RCC2: variants seen among roughly 807,000 people sequenced by gnomAD.
RCC2 encodes regulator of chromosome condensation 2, also known as protein RCC2.
RCC2 carries 19 observed loss-of-function variants against 64.1 expected under a neutral mutation model. That is an observed-to-expected ratio of 0.30 (90% CI 0.21 to 0.44). RCC2 has a LOEUF of 0.44. Ranked by LOEUF, RCC2 falls within the 20% of genes least tolerant of loss-of-function variation. RCC2 has a pLI of 1.00. For missense variants in RCC2, 508 were observed against 710.4 expected (o/e 0.72, Z 3.24); for synonymous variants, 325 against 279.6 (o/e 1.16, Z -1.62).
intron 7 of RCC2, among the ~76,000 whole-genome samples, chr1:17,420,341 C>A (rs2075542192): frequency 6.6e-6 from 1 of 152,212 alleles, no homozygotes; most frequent in Non-Finnish European, 1.5e-5. Context: ...GTTTCCAGAA[C>A]AACGTTCATT....
intron 7 of RCC2, among the ~76,000 whole-genome samples, chr1:17,419,968 C>A (rs2075536673): frequency 6.6e-6 from 1 of 152,192 alleles, no homozygotes; most frequent in Admixed American, 6.5e-5. Flanking sequence ...GGGCTCGGCG[C>A]TATTTTTACC....
chr1:17,420,855 A>AT (rs775589985), intron 6 of RCC2, 27 bp from the exon 7 acceptor site: 68 of 1,451,148 alleles, frequency 4.7e-5, no homozygotes, highest in East Asian at 9.1e-5. Context: ...GGAGACTTTC[A>AT]TTTTTTTTAA....
chr1:17,409,863 T>G, intron 12 of RCC2, 111 bp downstream of exon 12: 1 of 917,366 alleles, frequency 1.1e-6, no homozygotes, highest in Non-Finnish European at 1.8e-6. Context: ...GAAAGCCAGC[T>G]GAGATGGTAA....
intron 11 of RCC2, 82 bp from the exon 12 acceptor site, chr1:17,410,133 G>T: frequency 7.9e-7 from 1 of 1,267,128 alleles, no homozygotes; most frequent in South Asian, 1.2e-5. Flanking sequence ...ACATTTCCTG[G>T]CCCCCACTAA....
chr1:17,416,910 A>G (rs1023000037), intron 7 of RCC2, among the ~76,000 whole-genome samples: 2 of 152,260 alleles, frequency 1.3e-5, no homozygotes, highest in Non-Finnish European at 2.9e-5. Context: ...TACTCTACAC[A>G]TAATAATGGC....
rs2075785363 is a variant in RCC2, at chr1:17,439,660, C to T, written c.-124G>A. The T allele has an allele frequency of 6.7e-6, 1 of 149,404 alleles. No individual in the cohort carries two copies. Among genetic ancestry groups the T allele is most frequent in the Admixed American group, 6.6e-5 (1 of 15,088 alleles). The allele number at this position is 149,404 out of a possible 1,614,324, so 9.3% of individuals were successfully genotyped here. ...AGGGCTCCAGCCCACTCACCAGATA[C>T]ACTTAAAATGTAAATACGAGCTTCC... On this transcript the variant is annotated 5_prime_UTR_variant, in exon 1 of 13. Coordinates refer to ENST00000375436, the MANE Select transcript of RCC2 (RefSeq NM_018715.4).
chr1:17,411,476 T>C (rs1050806780), intron 11 of RCC2, among the ~76,000 whole-genome samples: 2 of 150,600 alleles, frequency 1.3e-5, no homozygotes, highest in African/African-American at 4.9e-5. Context: ...CTCAGGAGGC[T>C]GAAGCAGGAG....
In RCC2 at chr1:17,422,816, G is replaced by C. The variant is rs1430492616; in HGVS notation, c.544C>G (p.Leu182Val). 6.2e-7 allele frequency: 1 copy of C among 1,614,048 alleles called. No homozygotes were observed. The highest frequency in any genetic ancestry group is 8.5e-7 in the Non-Finnish European group (1 of 1,180,052). The change falls in exon 5 of 13, where the codon CTG becomes GTG. Residue 182 changes from leucine to valine, a missense_variant. By Grantham distance (32) the Leu-to-Val change is conservative. This residue lies in a region of RCC2 where 132 missense variants were observed against 207.3 expected (regional missense o/e 0.64). Transcript: ENST00000375436. ...ACTCTCTTGGTGTCACCATGTCCCA[G>C]CTGCCCCTTCTCATTTCGACCTGCA... ...WSWGRNEKGQ[L>V]GHGDTKRVEA...
intron 1 of RCC2, 150 bp downstream of exon 1, chr1:17,439,395 T>C (rs1195180146): frequency 1.3e-5 from 2 of 148,276 alleles, no homozygotes; most frequent in African/African-American, 4.9e-5. Context: ...TTAAACCACG[T>C]GGATCCGCCT....
At chr1:17,433,571 G>C (rs528722884) in intron 2 of RCC2, among the ~76,000 whole-genome samples, 2 of 152,174 alleles carry the variant, frequency 1.3e-5, no homozygotes, top group Admixed American at 1.3e-4. Flanking sequence ...TAAAGGCCAC[G>C]CAGCAGACAG....
intron 7 of RCC2, among the ~76,000 whole-genome samples, chr1:17,420,190 G>T (rs1185464199): frequency 6.6e-6 from 1 of 152,196 alleles, no homozygotes; most frequent in Non-Finnish European, 1.5e-5. Context: ...ACTGAGAACT[G>T]ATGCCTGAAT....
chr1:17,411,625 A>G (rs2075427479), intron 11 of RCC2, among the ~76,000 whole-genome samples: 1 of 152,132 alleles, frequency 6.6e-6, no homozygotes, highest in African/African-American at 2.4e-5. Flanking sequence ...GGATCTAAGA[A>G]TGAAAGACAT....
chr1:17,432,999 TAC>T (rs757624034), intron 2 of RCC2, among the ~76,000 whole-genome samples: 35 of 151,980 alleles, frequency 2.3e-4, no homozygotes, highest in Non-Finnish European at 4.7e-4. Flanking sequence ...AATATATATA[TAC>T]ACTCACACAC....
intron 1 of RCC2, 124 bp downstream of exon 1, chr1:17,439,421 T>A (rs1429583843): frequency 2.7e-5 from 4 of 148,942 alleles, no homozygotes; most frequent in Admixed American, 6.6e-5. Flanking sequence ...CCTCTTTTTA[T>A]TCCTTCAATC....
rs181074081 is a variant in RCC2, at chr1:17,417,400, G to T, written c.860-754C>A. 2.6e-4 allele frequency among the ~76,000 whole-genome samples: 40 copies of T among 152,292 alleles called. No homozygotes were observed. In the East Asian group the frequency reaches 7.1e-3, roughly 27 times the overall value. On this transcript the variant is annotated intron_variant, in intron 7 of 12. Transcript: ENST00000375436. ...ATCATCAGTTTGGTTGGGCACGGTG[G>T]GCCACGCCTGGAATCCCAGCACGTT...
chr1:17,419,935 T>C (rs995700532), intron 7 of RCC2, among the ~76,000 whole-genome samples: 2 of 152,204 alleles, frequency 1.3e-5, no homozygotes, highest in Non-Finnish European at 2.9e-5. Context: ...ACAAAGTCAC[T>C]GTTCCCCGAG....
chr1:17,419,768 G>A (rs1323349171), intron 7 of RCC2, among the ~76,000 whole-genome samples: 1 of 152,070 alleles, frequency 6.6e-6, no homozygotes, highest in African/African-American at 2.4e-5. Context: ...CACGTGGCAG[G>A]AAGCGGACCG....
At chr1:17,435,554 C>T (rs972566549) in intron 2 of RCC2, among the ~76,000 whole-genome samples, 3 of 152,252 alleles carry the variant, frequency 2.0e-5, no homozygotes, top group Admixed American at 2.0e-4. Flanking sequence ...GGAGGCCAAC[C>T]CAGGACAAGG....
rs183933740 is a variant in RCC2 at position 17,416,083 on chromosome 1, G to A, written c.1026+397C>T. ...AAACTGTCTCCAAAAAAAAAAGGGG[G>A]GGGGGGCGGGGGGGACAACCTACTG... On this transcript the variant is annotated intron_variant, in intron 8 of 12. Coordinates refer to ENST00000375436, the MANE Select transcript of RCC2 (RefSeq NM_018715.4). Among the ~76,000 whole-genome samples the A allele has an allele frequency of 6.0e-3, 680 of 113,836 alleles. 19 individuals are homozygous for A. The highest frequency in any genetic ancestry group is 0.021 in the African/African-American group (640 of 30,272). The allele number at this position is 113,836 out of a possible 152,430, so 74.7% of individuals were successfully genotyped here. A position where few individuals can be genotyped will look rare whatever the true frequency, so the allele number is the denominator to read the frequency against.
Sources: gnomAD v4.1 joint callset for allele counts (sites outside exome capture counted in the v4.1 genomes callset) on GRCh38, gnomAD v4.1.1 for gene constraint, gnomAD v4.1.1 regional missense constraint, MANE v1.5 for transcripts, NCBI Gene and HGNC (gene_info 2026-07-23, HGNC 2026-07-21) for gene names.